GRIA4: variants seen among roughly 807,000 people sequenced by gnomAD.
GRIA4 encodes the protein glutamate receptor 4.
A neutral mutation model predicts 104.0 loss-of-function variants in GRIA4; 34 were observed. That is an observed-to-expected ratio of 0.33 (90% CI 0.25 to 0.44). The LOEUF is 0.44. Among genes scored for constraint, GRIA4 ranks in the 20% least tolerant of loss-of-function variants. The pLI is 1.00. For synonymous variants in GRIA4, 386 were observed against 381.9 expected (o/e 1.01, Z -0.13); for missense variants, 750 against 1,096.5 (o/e 0.68, Z 4.46).
chr11:105,797,192 G>A (rs1942512671), intron 4 of GRIA4, among the ~76,000 whole-genome samples: 1 of 152,040 alleles, frequency 6.6e-6, no homozygotes. Flanking sequence ...CTGGATGACA[G>A]AGCAAGACCC....
chr11:105,625,842 T>C (rs1323226206), intron 3 of GRIA4, among the ~76,000 whole-genome samples: 1 of 152,170 alleles, frequency 6.6e-6, no homozygotes, highest in African/African-American at 2.4e-5. Context: ...AACCTCTCCA[T>C]AGAACATTTT....
At chr11:105,699,674 C>T (rs1953415105) in intron 3 of GRIA4, among the ~76,000 whole-genome samples, 1 of 152,028 alleles carries the variant, frequency 6.6e-6, no homozygotes, top group Non-Finnish European at 1.5e-5. Context: ...AAAGGTTCTA[C>T]ACTTATTTCC....
chr11:105,924,895 A>C (rs1947663200), intron 12 of GRIA4, 126 bp downstream of exon 12: 3 of 677,400 alleles, frequency 4.4e-6, no homozygotes, highest in Non-Finnish European at 7.3e-6. Flanking sequence ...AAAGACTTGC[A>C]ATTCCCAAAT....
intron 4 of GRIA4, among the ~76,000 whole-genome samples, chr11:105,848,005 G>C (rs1021674375): frequency 1.3e-5 from 2 of 152,090 alleles, no homozygotes; most frequent in African/African-American, 4.8e-5. Context: ...ATTTAATTTT[G>C]GATAATGTCT....
chr11:105,668,177 G>C (rs1439669473), intron 3 of GRIA4, among the ~76,000 whole-genome samples: 1 of 143,452 alleles, frequency 7.0e-6, no homozygotes, highest in African/African-American at 2.6e-5. Context: ...TTTTATGACT[G>C]AATAATACTC....
chr11:105,910,546 G>GT lies in GRIA4; in HGVS notation c.1269+2dup. 7.1e-7 allele frequency: 1 copy of GT among 1,411,282 alleles called. No individual in the cohort carries two copies. The highest frequency in any genetic ancestry group is 1.0e-6 in the Non-Finnish European group (1 of 994,838). 87.4% of individuals were successfully genotyped at this position (1,411,282 alleles called of 1,614,324 possible). Reference sequence around the variant, plus strand: ...AACAGTGGTTGTAACCACAATTATGGTAAGTGTTGGTCTATGCTTTATGGT... The same window carrying GT: ...AACAGTGGTTGTAACCACAATTATGGTTAAGTGTTGGTCTATGCTTTATGGT... On this transcript the variant is annotated splice_donor_variant, in intron 10 of 16. Coordinates refer to ENST00000282499, the MANE Select transcript of GRIA4 (RefSeq NM_000829.4). LOFTEE classifies it high-confidence loss of function.
intron 14 of GRIA4, among the ~76,000 whole-genome samples, chr11:105,959,829 T>A (rs1948689645): frequency 6.6e-6 from 1 of 152,136 alleles, no homozygotes; most frequent in Non-Finnish European, 1.5e-5. Flanking sequence ...CGGTTGTTGC[T>A]TTCTGTTTGT....
At chr11:105,668,392 C>T (rs1952245058) in intron 3 of GRIA4, among the ~76,000 whole-genome samples, 1 of 149,662 alleles carries the variant, frequency 6.7e-6, no homozygotes, top group Non-Finnish European at 1.5e-5. Flanking sequence ...AAAAACTATT[C>T]ATCCATTGAT....
At chr11:105,715,071 C>T (rs1305854982) in intron 3 of GRIA4, among the ~76,000 whole-genome samples, 3 of 152,060 alleles carry the variant, frequency 2.0e-5, no homozygotes, top group African/African-American at 4.8e-5. Context: ...AAAAAAACAG[C>T]GATTATATCT....
chr11:105,758,803 G>C (rs563628272), intron 4 of GRIA4, among the ~76,000 whole-genome samples: 12 of 152,266 alleles, frequency 7.9e-5, no homozygotes, highest in Non-Finnish European at 1.5e-4. Flanking sequence ...CAATGGAAGA[G>C]AGTTCTCAGA....
chr11:105,757,890 G>T (rs577414134), intron 4 of GRIA4, among the ~76,000 whole-genome samples: 2 of 152,122 alleles, frequency 1.3e-5, no homozygotes, highest in Non-Finnish European at 2.9e-5. Context: ...GAGTTCAAAA[G>T]TTCTGATTTT....
chr11:105,963,961 G>A (rs1948800177), intron 14 of GRIA4, among the ~76,000 whole-genome samples: 1 of 152,094 alleles, frequency 6.6e-6, no homozygotes, highest in Non-Finnish European at 1.5e-5. Context: ...TCATATGAAT[G>A]TTTAAGGCTA....
chr11:105,612,906 G>A (rs1950515117), intron 3 of GRIA4: 1 of 154,824 alleles, frequency 6.5e-6, no homozygotes, highest in Non-Finnish European at 1.4e-5. Flanking sequence ...GTGAGAAAAA[G>A]AGGGGAGTGG....
chr11:105,847,798 A>C (rs1944652050), intron 4 of GRIA4, among the ~76,000 whole-genome samples: 1 of 152,208 alleles, frequency 6.6e-6, no homozygotes, highest in Non-Finnish European at 1.5e-5. Flanking sequence ...GAGAAATATT[A>C]GATTTGGAAA....
intron 13 of GRIA4, 100 bp from the exon 14 acceptor site, chr11:105,933,622 T>C: frequency 3.6e-6 from 3 of 828,024 alleles, no homozygotes; most frequent in Non-Finnish European, 3.7e-6. Flanking sequence ...TAGAGAGCAA[T>C]GGAAAGATAC....
chr11:105,648,189 G>A (rs978315479), intron 3 of GRIA4, among the ~76,000 whole-genome samples: 1 of 151,598 alleles, frequency 6.6e-6, no homozygotes, highest in African/African-American at 2.4e-5. Context: ...AGTGGAAGTC[G>A]ATATAGTGAG....
At chr11:105,865,721 T>C (rs527771630) in intron 5 of GRIA4, among the ~76,000 whole-genome samples, 7 of 152,210 alleles carry the variant, frequency 4.6e-5, no homozygotes, top group Non-Finnish European at 1.0e-4. Flanking sequence ...TCCCTATGGA[T>C]TCTACCTAAT....
At chr11:105,877,436 T>C (rs967518130) in intron 5 of GRIA4, among the ~76,000 whole-genome samples, 4 of 152,236 alleles carry the variant, frequency 2.6e-5, no homozygotes, top group African/African-American at 9.6e-5. Context: ...CTCCATTTCC[T>C]GAATTTGAAT....
At chr11:105,748,571 G>T (rs1043462973) in intron 3 of GRIA4, among the ~76,000 whole-genome samples, 2 of 152,058 alleles carry the variant, frequency 1.3e-5, no homozygotes, top group African/African-American at 4.8e-5. Flanking sequence ...TTTTATTAGA[G>T]ACGGGTTTTC....
Sources: gnomAD v4.1 joint callset for allele counts (sites outside exome capture counted in the v4.1 genomes callset) on GRCh38, gnomAD v4.1.1 for gene constraint, MANE v1.5 for transcripts, NCBI Gene and HGNC (gene_info 2026-07-23, HGNC 2026-07-21) for gene names.